Variants in PAFAH1B1 observed in about 807,000 individuals in gnomAD.
The protein encoded by PAFAH1B1 is platelet-activating factor acetylhydrolase IB subunit beta.
Under a neutral mutation model 57.5 loss-of-function variants are expected in PAFAH1B1, and 2 were observed. The ratio of observed to expected loss-of-function variants is 0.03; its 90% CI spans 0.01 to 0.11. PAFAH1B1 has a LOEUF of 0.11. Among genes scored for constraint, PAFAH1B1 ranks in the 10% least tolerant of loss-of-function variants. The pLI is 1.00. For synonymous variants in PAFAH1B1, 152 were observed against 169.6 expected, an observed-to-expected ratio of 0.90 and a Z score of 0.81; for missense variants, 257 against 512.0, an observed-to-expected ratio of 0.50 and a Z score of 4.81.
intron 1 of PAFAH1B1, among the ~76,000 whole-genome samples, chr17:2,595,981 G>A (rs1416409436): frequency 6.6e-6 from 1 of 152,160 alleles, no homozygotes; most frequent in Non-Finnish European, 1.5e-5. Context: ...CCCTTTCACA[G>A]CGTCTTTCTC....
At chr17:2,614,628 G>A (rs1360522336) in intron 1 of PAFAH1B1, among the ~76,000 whole-genome samples, 4 of 152,134 alleles carry the variant, frequency 2.6e-5, no homozygotes. Flanking sequence ...AGGCGGGAGT[G>A]CAGTGGTGTC....
intron 1 of PAFAH1B1, among the ~76,000 whole-genome samples, chr17:2,629,859 G>A (rs1005751308): frequency 1.3e-5 from 2 of 152,036 alleles, no homozygotes; most frequent in Non-Finnish European, 2.9e-5. Flanking sequence ...TCTTTTAACC[G>A]CTGTTGCTTT....
In PAFAH1B1 at chr17:2,684,413, T is replaced by C. The variant is rs1019690221; in HGVS notation, c.*2611T>C. On this transcript the variant is annotated 3_prime_UTR_variant, in exon 11 of 11. Coordinates refer to ENST00000397195, the MANE Select transcript of PAFAH1B1 (RefSeq NM_000430.4). ...GGTTTGGATTGTAAGTAGAGGACTTTTATTAATTGGTTTAGAGGTTCACTG... is the reference window on the plus strand; with the variant it reads ...GGTTTGGATTGTAAGTAGAGGACTTCTATTAATTGGTTTAGAGGTTCACTG... 2.0e-5 allele frequency: 3 copies of C among 152,626 alleles called. No homozygotes were observed. The highest frequency in any genetic ancestry group is 4.4e-5 in the Non-Finnish European group (3 of 68,052). The allele number at this position is 152,626 out of a possible 1,614,324, so 9.5% of individuals were successfully genotyped here. A position where few individuals can be genotyped will look rare whatever the true frequency, so the allele number is the denominator to read the frequency against.
Position 2,667,193 on chromosome 17 carries a change from A to G in PAFAH1B1, c.394A>G (p.Ile132Val). Residue 132 changes from isoleucine to valine, a missense_variant, in exon 5 of 11, where the codon ATT (isoleucine) becomes GTT (valine). Ile to Val is a conservative substitution (Grantham distance 29). Coordinates refer to ENST00000397195, the MANE Select transcript of PAFAH1B1 (RefSeq NM_000430.4). ...GGTCTCTGCTTCAGAGGATGCTACA[A>G]TTAAGGTAATTTTTTGTTAAAAGCA... ...VMVSASEDATIKVWDYETGDF... is the reference protein window; with the variant it reads ...VMVSASEDATVKVWDYETGDF... 1.9e-6 allele frequency: 3 copies of G among 1,612,074 alleles called. No individual in the cohort carries two copies. Among genetic ancestry groups the G allele is most frequent in the Non-Finnish European group, 2.5e-6 (3 of 1,178,262 alleles).
intron 1 of PAFAH1B1, among the ~76,000 whole-genome samples, chr17:2,617,795 CTG>C (rs1421001236): frequency 6.6e-6 from 1 of 152,050 alleles, no homozygotes; most frequent in African/African-American, 2.4e-5. Flanking sequence ...CGGTGGGTGT[CTG>C]TAATCCCAGC....
intron 1 of PAFAH1B1, among the ~76,000 whole-genome samples, chr17:2,606,150 AT>A (rs2068202269): frequency 6.6e-6 from 1 of 152,118 alleles, no homozygotes; most frequent in Non-Finnish European, 1.5e-5. Flanking sequence ...GGCTTAGGAA[AT>A]TTGTAGATTT....
chr17:2,601,534 T>G (rs896799649), intron 1 of PAFAH1B1, among the ~76,000 whole-genome samples: 11 of 152,176 alleles, frequency 7.2e-5, no homozygotes, highest in Non-Finnish European at 1.2e-4. Flanking sequence ...CTCTGCCTCC[T>G]GGATTCAAGC....
At chr17:2,641,951 GT>G (rs1365091224) in intron 2 of PAFAH1B1, 3 of 152,234 alleles carry the variant, frequency 2.0e-5, no homozygotes, top group Non-Finnish European at 4.4e-5. Context: ...GTCTTGTATA[GT>G]TTTGGTTGTT....
rs181261188 is a variant in PAFAH1B1 at position 2,596,597 on chromosome 17, C to T, written c.-191+2591C>T. 2.0e-5 allele frequency among the ~76,000 whole-genome samples: 3 copies of T among 152,084 alleles called. No individual in the cohort carries two copies. The East Asian group carries it at 5.8e-4, about 29-fold the overall frequency. On this transcript the variant is annotated intron_variant, in intron 1 of 10. Transcript: ENST00000397195. ...AGGTGGTAAATGTGACTTTGATTAG[C>T]CTTATGAATGCTTGTCAGTGTATGA...
At chr17:2,650,277 C>T (rs1477327085) in intron 2 of PAFAH1B1, among the ~76,000 whole-genome samples, 3 of 148,724 alleles carry the variant, frequency 2.0e-5, no homozygotes, top group Admixed American at 6.6e-5. Context: ...TTTGGGAGGC[C>T]GAGGCGGGTG....
At chr17:2,616,890 C>T (rs899076752) in intron 1 of PAFAH1B1, among the ~76,000 whole-genome samples, 4 of 151,256 alleles carry the variant, frequency 2.6e-5, no homozygotes, top group African/African-American at 4.9e-5. Flanking sequence ...GGTGAAACCC[C>T]GTCTCTACTA....
At chr17:2,611,607 G>A (rs1483988976) in intron 1 of PAFAH1B1, among the ~76,000 whole-genome samples, 3 of 152,188 alleles carry the variant, frequency 2.0e-5, no homozygotes, top group East Asian at 3.8e-4. Flanking sequence ...TAGATTAAAT[G>A]TAAGGAGAGG....
intron 2 of PAFAH1B1, among the ~76,000 whole-genome samples, chr17:2,662,900 C>T (rs961814751): frequency 6.6e-6 from 1 of 152,048 alleles, no homozygotes; most frequent in African/African-American, 2.4e-5. Flanking sequence ...CACCTGAGGT[C>T]AGGAGTTTGA....
chr17:2,675,813 C>G (rs1428865411), intron 8 of PAFAH1B1, among the ~76,000 whole-genome samples: 1 of 152,020 alleles, frequency 6.6e-6, no homozygotes, highest in African/African-American at 2.4e-5. Flanking sequence ...TGCACTCCAG[C>G]CTGGGTGACA....
chr17:2,646,978 C>A (rs1426917435), intron 2 of PAFAH1B1, among the ~76,000 whole-genome samples: 1 of 151,574 alleles, frequency 6.6e-6, no homozygotes, highest in East Asian at 2.0e-4. Context: ...ACACCTGTAA[C>A]CCCAGCACTC....
chr17:2,681,430 AT>A, intron 10 of PAFAH1B1: 1 of 277,248 alleles, frequency 3.6e-6, no homozygotes, highest in Non-Finnish European at 6.9e-6. Flanking sequence ...CTTTCTTAGA[AT>A]TTTGTGGCTC....
At chr17:2,628,548 T>G (rs544548705) in intron 1 of PAFAH1B1, among the ~76,000 whole-genome samples, 2 of 152,150 alleles carry the variant, frequency 1.3e-5, no homozygotes, top group South Asian at 2.1e-4. Flanking sequence ...TTTTTTTGGT[T>G]GTTTGGTTGT....
At chr17:2,627,646 G>C (rs1196910614) in intron 1 of PAFAH1B1, among the ~76,000 whole-genome samples, 1 of 151,988 alleles carries the variant, frequency 6.6e-6, no homozygotes, top group Non-Finnish European at 1.5e-5. Flanking sequence ...ATTTTGATGG[G>C]GATTGTGTTG....
intron 2 of PAFAH1B1, chr17:2,640,849 C>T (rs2068686491): frequency 6.6e-6 from 1 of 152,186 alleles, no homozygotes; most frequent in African/African-American, 2.4e-5. Flanking sequence ...TCATCTGCCC[C>T]TCAGTTTTCA....
Sources: allele counts gnomAD v4.1 joint callset (sites outside exome capture counted in the v4.1 genomes callset), GRCh38; gene constraint gnomAD v4.1.1; transcripts MANE v1.5; gene names NCBI Gene and HGNC (gene_info 2026-07-23, HGNC 2026-07-21).